B4GALNT3: variants seen among roughly 807,000 people sequenced by gnomAD.
B4GALNT3 encodes beta-1,4-N-acetylgalactosaminyltransferase 3.
In B4GALNT3, 86 loss-of-function variants were observed where a neutral mutation model predicts 120.2. The observed-to-expected ratio is 0.72, with a 90% CI of 0.60 to 0.86. The LOEUF is 0.86. B4GALNT3 is among the 40% of genes least tolerant of loss of function. The pLI, the probability that B4GALNT3 is intolerant of heterozygous loss-of-function variation, is 0.00. For synonymous variants in B4GALNT3, 518 were observed against 510.4 expected (o/e 1.01, Z -0.20); for missense variants, 1,167 against 1,298.9 (o/e 0.90, Z 1.56).
intron 1 of B4GALNT3, among the ~76,000 whole-genome samples, chr12:487,538 C>T (rs978856485): frequency 3.4e-4 from 52 of 151,646 alleles, no homozygotes; most frequent in African/African-American, 1.3e-3. Flanking sequence ...CATGGTGAAA[C>T]CTGGTTTCTA....
intron 1 of B4GALNT3, among the ~76,000 whole-genome samples, chr12:477,341 C>T (rs11063155): frequency 0.036 from 5,547 of 152,214 alleles, 126 homozygotes; most frequent in African/African-American, 0.055. Flanking sequence ...TACCAGTGAA[C>T]TAGCTGAAGT....
At chr12:511,903 C>T (rs554056447) in intron 1 of B4GALNT3, among the ~76,000 whole-genome samples, 4 of 126,972 alleles carry the variant, frequency 3.2e-5, no homozygotes, top group African/African-American at 1.2e-4. Context: ...TTCCACCTTC[C>T]GCCTTCGACC....
rs1592038823 is a variant in B4GALNT3, at chr12:521,183, T to A, written c.170-13983T>A. ...TGAGTCTAATGGCGTTAGAAGGATG[T>A]GCGGTCCTTCTGCCAGCAGGACTCT... On this transcript the variant is annotated intron_variant, in intron 1 of 19. Coordinates refer to ENST00000266383, the MANE Select transcript of B4GALNT3 (RefSeq NM_173593.4). 2.6e-5 allele frequency among the ~76,000 whole-genome samples: 4 copies of A among 152,192 alleles called. No individual in the cohort carries two copies. In the South Asian group the frequency reaches 8.3e-4, roughly 32 times the overall value.
At chr12:512,366 T>TCCGC (rs1946592313) in intron 1 of B4GALNT3, among the ~76,000 whole-genome samples, 1 of 97,484 alleles carries the variant, frequency 1.0e-5, no homozygotes. Context: ...CCTTCGACCT[T>TCCGC]CTTCCACCTT....
intron 3 of B4GALNT3, among the ~76,000 whole-genome samples, chr12:543,617 C>A (rs79060039): frequency 1.2e-5 from 1 of 83,946 alleles, no homozygotes; most frequent in South Asian, 4.7e-4. Flanking sequence ...GGAGCTGGGG[C>A]GGGCATGGGG....
In B4GALNT3 at chr12:535,310, A is replaced by G. The variant is rs1946847130; in HGVS notation, c.273+41A>G. ...GTCCATTGTCCCTGCTGATGCCTTAACAAAGGTCCGCAGGTGCTCTGCCCA... is the reference window on the plus strand; with the variant it reads ...GTCCATTGTCCCTGCTGATGCCTTAGCAAAGGTCCGCAGGTGCTCTGCCCA... On this transcript the variant is annotated intron_variant, in intron 2 of 19. Transcript: ENST00000266383. The G allele has an allele frequency of 1.9e-6, 3 of 1,560,656 alleles. No individual in the cohort carries two copies. In the African/African-American group the frequency reaches 4.1e-5, roughly 21 times the overall value.
At chr12:467,947 A>G (rs1387584325) in intron 1 of B4GALNT3, among the ~76,000 whole-genome samples, 1 of 152,234 alleles carries the variant, frequency 6.6e-6, no homozygotes, top group Non-Finnish European at 1.5e-5. Context: ...GTTGGTTACT[A>G]GGAAGCTTTA....
chr12:521,500 G>T lies in B4GALNT3; in HGVS notation c.170-13666G>T, dbSNP rs60587983. Among the ~76,000 whole-genome samples the T allele has an allele frequency of 4.7e-3, 722 of 152,210 alleles. 1 individual carries two copies. The highest frequency in any genetic ancestry group is 0.016 in the African/African-American group (683 of 41,524). On this transcript the variant is annotated intron_variant, in intron 1 of 19. Coordinates refer to ENST00000266383, the MANE Select transcript of B4GALNT3 (RefSeq NM_173593.4). ...GTGGTCTTTCCCAGAATTACTCTTG[G>T]CCTGAATTAGGAAGGAAGAGAGGGC...
intron 19 of B4GALNT3, among the ~76,000 whole-genome samples, chr12:560,837 G>A (rs1947221564): frequency 6.6e-6 from 1 of 152,190 alleles, no homozygotes; most frequent in Admixed American, 6.5e-5. Context: ...CCTGTGAGAG[G>A]GACACCCTGC....
intron 1 of B4GALNT3, among the ~76,000 whole-genome samples, chr12:495,018 C>T (rs549929902): frequency 9.2e-5 from 14 of 152,226 alleles, no homozygotes; most frequent in African/African-American, 2.4e-4. Flanking sequence ...AGCACAGTGC[C>T]GGCATTTTAC....
intron 2 of B4GALNT3, 133 bp from the exon 3 acceptor site, chr12:536,085 G>A (rs1946855820): frequency 4.4e-6 from 3 of 688,690 alleles, no homozygotes; most frequent in Non-Finnish European, 7.9e-6. Context: ...GTATTCCCAG[G>A]ACATGGTGTG....
chr12:511,172 G>A (rs996081498), intron 1 of B4GALNT3, among the ~76,000 whole-genome samples: 2 of 151,322 alleles, frequency 1.3e-5, no homozygotes, highest in Non-Finnish European at 2.9e-5. Flanking sequence ...TGAACTACAG[G>A]CGTGTGCCAC....
intron 3 of B4GALNT3, among the ~76,000 whole-genome samples, chr12:536,585 C>T (rs577834761): frequency 8.5e-5 from 13 of 152,284 alleles, no homozygotes; most frequent in Admixed American, 6.5e-4. Context: ...TGGGCTCAAG[C>T]GATCCTCCAG....
intron 13 of B4GALNT3, 89 bp downstream of exon 13, chr12:552,617 G>A (rs1057021153): frequency 6.2e-6 from 8 of 1,281,322 alleles, no homozygotes; most frequent in South Asian, 2.7e-5. Context: ...TGCCAGCCCC[G>A]CCCCTGAGGA....
At position 558,353 on chromosome 12, in the gene B4GALNT3, A is replaced by G. The variant is rs530636646; in HGVS notation, c.2608-155A>G. 4.6e-5 allele frequency among the ~76,000 whole-genome samples: 7 copies of G among 152,260 alleles called. No homozygotes were observed. The East Asian group carries it at 1.2e-3, about 25-fold the overall frequency. ...TCTGATGGTTAAGACCTGTGCTCCAATGTTCAGCACTGTGGAACTCTGCCC... is the reference window on the plus strand; with the variant it reads ...TCTGATGGTTAAGACCTGTGCTCCAGTGTTCAGCACTGTGGAACTCTGCCC... On this transcript the variant is annotated intron_variant, in intron 17 of 19. Transcript: ENST00000266383.
At chr12:554,520 G>C (rs924682237) in intron 14 of B4GALNT3, among the ~76,000 whole-genome samples, 11 of 152,130 alleles carry the variant, frequency 7.2e-5, no homozygotes, top group South Asian at 2.1e-4. Flanking sequence ...GCTGGGCGCG[G>C]TGGCTCACGC....
chr12:557,567 C>T, intron 15 of B4GALNT3, 41 bp from the exon 16 acceptor site: 1 of 1,585,786 alleles, frequency 6.3e-7, no homozygotes, highest in East Asian at 2.2e-5. Context: ...TCATCTTTGC[C>T]TTGTCTGTGT....
chr12:530,598 C>A (rs903480432), intron 1 of B4GALNT3, among the ~76,000 whole-genome samples: 7 of 152,188 alleles, frequency 4.6e-5, no homozygotes, highest in African/African-American at 7.2e-5. Context: ...AAATCCTTGA[C>A]ACGGATTATC....
At chr12:479,783 C>G (rs977250171) in intron 1 of B4GALNT3, among the ~76,000 whole-genome samples, 2 of 151,334 alleles carry the variant, frequency 1.3e-5, no homozygotes, top group African/African-American at 4.9e-5. Flanking sequence ...CCAACTGAGG[C>G]CTTTAGTGGT....
Sources: allele counts gnomAD v4.1 joint callset (sites outside exome capture counted in the v4.1 genomes callset), GRCh38; gene constraint gnomAD v4.1.1; transcripts MANE v1.5; gene names NCBI Gene and HGNC (gene_info 2026-07-23, HGNC 2026-07-21).